ADAMTS7: variants seen among roughly 807,000 people sequenced by gnomAD.
ADAMTS7 encodes A disintegrin and metalloproteinase with thrombospondin motifs 7.
Under a neutral mutation model 172.6 loss-of-function variants are expected in ADAMTS7, and 89 were observed. The observed-to-expected ratio is 0.52, with a 90% CI of 0.43 to 0.61. The LOEUF is 0.61. ADAMTS7 is among the 20% of genes least tolerant of loss of function. ADAMTS7 has a pLI of 0.00. For missense variants in ADAMTS7, 1,973 were observed against 2,355.6 expected (o/e 0.84, Z 3.36); for synonymous variants, 885 against 978.4 (o/e 0.90, Z 1.78).
chr15:78,781,074 T>A (rs1307212794), intron 8 of ADAMTS7, among the ~76,000 whole-genome samples: 1 of 152,184 alleles, frequency 6.6e-6, no homozygotes, highest in Non-Finnish European at 1.5e-5. Flanking sequence ...TCTACCTGGC[T>A]GGATAAGCAT....
Position 78,766,857 on chromosome 15 carries a change from C to T in ADAMTS7, c.3054G>A (p.Glu1018=). 3 of 1,609,836 alleles carry T rather than the reference C, an allele frequency of 1.9e-6. No homozygotes were observed. Among genetic ancestry groups the T allele is most frequent in the Non-Finnish European group, 2.5e-6 (3 of 1,179,266 alleles). ...SGSSSHELFN[E]ADFIPHHLAP... is the part of the protein sequence containing the mutation. The stretch of plus-strand genomic sequence containing the variant: ...CCAGGTGGTGCGGGATGAAGTCAGC[C>T]TCGTTGAAGAGCTCGTGGCTGGAGG... Residue 1018 remains glutamate, a synonymous_variant, in exon 19 of 24, where the codon GAG becomes GAA. Coordinates refer to ENST00000388820, the MANE Select transcript of ADAMTS7 (RefSeq NM_014272.5).
At position 78,796,629 on chromosome 15, in the gene ADAMTS7, C is replaced by G. The variant is rs376603740; in HGVS notation, c.780G>C (p.Gln260His). 3 of 1,613,956 alleles carry G rather than the reference C, an allele frequency of 1.9e-6. No individual in the cohort carries two copies. Among genetic ancestry groups the G allele is most frequent in the Non-Finnish European group, 2.5e-6 (3 of 1,179,994 alleles). The change falls in exon 4 of 24, where the codon CAG (glutamine) becomes CAC (histidine). Residue 260 changes from glutamine to histidine, a missense_variant. By Grantham distance (24) the Gln-to-His change is conservative (BLOSUM62 0). Coordinates refer to ENST00000388820, the MANE Select transcript of ADAMTS7 (RefSeq NM_014272.5). ...TCAGCACATAGCTCTCAACCTGCGG[C>G]TGTCCGTGGTACTCCACCATTTTGG... ...ADAKMVEYHGQPQVESYVLTI... is the reference protein window; with the variant it reads ...ADAKMVEYHGHPQVESYVLTI...
chr15:78,762,329 T>G, intron 23 of ADAMTS7, 74 bp downstream of exon 23: 23 of 1,337,632 alleles, frequency 1.7e-5, no homozygotes, highest in Non-Finnish European at 2.2e-5. Context: ...CACAATGGTT[T>G]GACGACCCCA....
At chr15:78,804,841 A>G (rs1429298390) in intron 1 of ADAMTS7, among the ~76,000 whole-genome samples, 2 of 152,134 alleles carry the variant, frequency 1.3e-5, no homozygotes, top group Non-Finnish European at 2.9e-5. Flanking sequence ...TTAAAAAAAA[A>G]TTCCCAGGCC....
In ADAMTS7 at chr15:78,761,814, C is replaced by T. The variant is rs1425061264; in HGVS notation, c.4903+589G>A. ...GCAGGGGTGTCCAGAACCACCTCTA[C>T]CTCAGGCCCTTCCACCAGGACCCAG... On this transcript the variant is annotated intron_variant, in intron 23 of 23. Transcript: ENST00000388820. 5 of 984,802 alleles carry T rather than the reference C, an allele frequency of 5.1e-6. No individual in the cohort carries two copies. In the African/African-American group the frequency reaches 8.7e-5, roughly 17 times the overall value. 61.0% of individuals were successfully genotyped at this position (984,802 alleles called of 1,614,324 possible). A position where few individuals can be genotyped will look rare whatever the true frequency, so the allele number is the denominator to read the frequency against.
At chr15:78,774,575 C>T (rs751024421) in intron 12 of ADAMTS7, 49 bp downstream of exon 12, 2 of 1,610,598 alleles carry the variant, frequency 1.2e-6, no homozygotes, top group South Asian at 1.1e-5. Context: ...TGGACCCACA[C>T]ACCCCCAGCC....
At chr15:78,770,207 CAAAAT>C (rs2055224773) in intron 16 of ADAMTS7, among the ~76,000 whole-genome samples, 1 of 131,520 alleles carries the variant, frequency 7.6e-6, no homozygotes, top group Non-Finnish European at 1.8e-5. Context: ...AATAAAATAG[CAAAAT>C]AAAATAAAGA....
At chr15:78,763,009 C>T (rs889147185) in intron 22 of ADAMTS7, among the ~76,000 whole-genome samples, 2 of 152,328 alleles carry the variant, frequency 1.3e-5, no homozygotes, top group Admixed American at 1.3e-4. Context: ...GGGGCCCAGC[C>T]CGCCAGGCTT....
At chr15:78,763,208 C>T (rs567687972) in intron 22 of ADAMTS7, among the ~76,000 whole-genome samples, 3 of 152,204 alleles carry the variant, frequency 2.0e-5, no homozygotes, top group African/African-American at 2.4e-5. Flanking sequence ...AGCAGCCAGT[C>T]GGACAAAGAC....
intron 8 of ADAMTS7, 47 bp from the exon 9 acceptor site, chr15:78,777,635 C>G (rs2055369837): frequency 3.2e-6 from 5 of 1,571,544 alleles, no homozygotes; most frequent in Non-Finnish European, 4.3e-6. Context: ...CTGTGAGACC[C>G]ATCGGAGAAG....
At chr15:78,792,845 G>C (rs1022985397) in intron 4 of ADAMTS7, among the ~76,000 whole-genome samples, 5 of 151,864 alleles carry the variant, frequency 3.3e-5, no homozygotes, top group African/African-American at 1.2e-4. Flanking sequence ...GAGAGAAAGA[G>C]AGAGAGAGAA....
chr15:78,786,770 T>C (rs145302159), intron 8 of ADAMTS7, among the ~76,000 whole-genome samples: 48 of 152,304 alleles, frequency 3.2e-4, no homozygotes, highest in Admixed American at 8.5e-4. Context: ...AAAAGACGAA[T>C]TGTATAATTT....
intron 8 of ADAMTS7, among the ~76,000 whole-genome samples, chr15:78,787,046 T>C (rs184501236): frequency 6.2e-4 from 94 of 152,338 alleles, no homozygotes; most frequent in Admixed American, 1.6e-3. Flanking sequence ...TAGCTTACTT[T>C]ATTGTAAGAA....
At chr15:78,783,014 G>T (rs1410092444) in intron 8 of ADAMTS7, among the ~76,000 whole-genome samples, 1 of 152,120 alleles carries the variant, frequency 6.6e-6, no homozygotes, top group Non-Finnish European at 1.5e-5. Context: ...ACACATTGAA[G>T]GGTAAGAAAC....
intron 1 of ADAMTS7, among the ~76,000 whole-genome samples, chr15:78,809,189 C>A (rs1042061776): frequency 2.0e-5 from 3 of 152,136 alleles, no homozygotes; most frequent in Non-Finnish European, 4.4e-5. Flanking sequence ...CCTAGCAGGT[C>A]CCTGGGTCAG....
In ADAMTS7 at chr15:78,762,521, C is replaced by T; in HGVS notation, c.4785G>A (p.Lys1595=). 1.9e-6 allele frequency: 3 copies of T among 1,579,640 alleles called. No individual in the cohort carries two copies. In the South Asian group the frequency reaches 3.4e-5, roughly 18 times the overall value. ...GCAGCCCTGTCTGGGTGTTGACACA[C>T]TTGACCAGGCGCCGCTGGACACCAC... ...CGGGVQRRLV[K]CVNTQTGLPE... Residue 1595 remains lysine, a synonymous_variant, in exon 23 of 24, where the codon AAG becomes AAA. Coordinates refer to ENST00000388820, the MANE Select transcript of ADAMTS7 (RefSeq NM_014272.5).
chr15:78,804,627 A>T (rs113589097), intron 1 of ADAMTS7, among the ~76,000 whole-genome samples: 1 of 147,724 alleles, frequency 6.8e-6, no homozygotes, highest in Non-Finnish European at 1.5e-5. Context: ...TGCCCTGCAC[A>T]TGCCAGTGCT....
chr15:78,772,007 C>CA (rs2055259471), intron 14 of ADAMTS7, among the ~76,000 whole-genome samples, 178 bp from the exon 15 acceptor site: 1 of 152,194 alleles, frequency 6.6e-6, no homozygotes, highest in Non-Finnish European at 1.5e-5. Flanking sequence ...AGAGGTGCCA[C>CA]AAATCCTGAC....
chr15:78,796,617 C>G lies in ADAMTS7; in HGVS notation c.792G>C (p.Glu264Asp). 1 of 1,613,992 alleles carries G rather than the reference C, an allele frequency of 6.2e-7. No homozygotes were observed. Among genetic ancestry groups the G allele is most frequent in the Non-Finnish European group, 8.5e-7 (1 of 1,179,956 alleles). The change falls in exon 4 of 24, where the codon GAG becomes GAC. Residue 264 changes from glutamate (E) to aspartate (D), a missense_variant. Physicochemically the swap from Glu to Asp is conservative, Grantham distance 45. Coordinates refer to ENST00000388820, the MANE Select transcript of ADAMTS7 (RefSeq NM_014272.5). ...TGTTCATGATGGTCAGCACATAGCT[C>G]TCAACCTGCGGCTGTCCGTGGTACT... ...MVEYHGQPQV[E>D]SYVLTIMNMV...
Sources: allele counts gnomAD v4.1 joint callset (sites outside exome capture counted in the v4.1 genomes callset), GRCh38; gene constraint gnomAD v4.1.1; transcripts MANE v1.5; gene names NCBI Gene and HGNC (gene_info 2026-07-23, HGNC 2026-07-21).